Variants in LRRC8C observed in about 807,000 individuals in gnomAD.
LRRC8C encodes the protein volume-regulated anion channel subunit LRRC8C.
LRRC8C carries 20 observed loss-of-function variants against 55.3 expected under a neutral mutation model. The ratio of observed to expected loss-of-function variants is 0.36; its 90% CI spans 0.25 to 0.53. The LOEUF (loss-of-function observed/expected upper bound fraction) is 0.53, where lower values mean the gene tolerates loss of function less well. LRRC8C is among the 20% of genes least tolerant of loss of function. The pLI is 0.92. For synonymous variants in LRRC8C, 376 were observed against 360.7 expected, an observed-to-expected ratio of 1.04 and a Z score of -0.48; for missense variants, 659 against 951.4, an observed-to-expected ratio of 0.69 and a Z score of 4.04.
chr1:89,635,066 T>A (rs1656240055), intron 1 of LRRC8C, among the ~76,000 whole-genome samples: 1 of 152,244 alleles, frequency 6.6e-6, no homozygotes, highest in South Asian at 2.1e-4. Context: ...TTAAGCACTT[T>A]AATGAAATGT....
At chr1:89,702,937 C>G (rs549384648) in intron 2 of LRRC8C, among the ~76,000 whole-genome samples, 1 of 152,130 alleles carries the variant, frequency 6.6e-6, no homozygotes, top group Admixed American at 6.5e-5. Flanking sequence ...TACCCAGAGC[C>G]CAGCACAGAG....
chr1:89,650,955 T>G (rs1308050840), intron 1 of LRRC8C, among the ~76,000 whole-genome samples: 1 of 151,898 alleles, frequency 6.6e-6, no homozygotes, highest in Non-Finnish European at 1.5e-5. Flanking sequence ...AGAATGGGAG[T>G]CCCTTCAGAT....
chr1:89,695,213 C>T (rs1269238820), intron 2 of LRRC8C, among the ~76,000 whole-genome samples: 9 of 152,196 alleles, frequency 5.9e-5, no homozygotes, highest in Admixed American at 4.6e-4. Context: ...TGAACCACCG[C>T]GCCCGGCCCT....
intron 1 of LRRC8C, among the ~76,000 whole-genome samples, chr1:89,664,238 T>C (rs1657196890): frequency 6.6e-6 from 1 of 152,228 alleles, no homozygotes; most frequent in Admixed American, 6.5e-5. Context: ...CTGAATGGTA[T>C]TGTCTAGATT....
chr1:89,671,999 C>T (rs755374557), intron 1 of LRRC8C, among the ~76,000 whole-genome samples: 1 of 152,144 alleles, frequency 6.6e-6, no homozygotes, highest in Non-Finnish European at 1.5e-5. Flanking sequence ...CTACCCCTAT[C>T]CTTATGTCTC....
At chr1:89,644,783 A>G (rs1259428892) in intron 1 of LRRC8C, among the ~76,000 whole-genome samples, 1 of 152,244 alleles carries the variant, frequency 6.6e-6, no homozygotes, top group Non-Finnish European at 1.5e-5. Flanking sequence ...TGCTCATGAG[A>G]GGAGTTAGGC....
intron 1 of LRRC8C, among the ~76,000 whole-genome samples, chr1:89,641,973 T>A (rs751921270): frequency 1.3e-5 from 2 of 152,226 alleles, no homozygotes; most frequent in African/African-American, 4.8e-5. Context: ...CCATATGATA[T>A]TGCACAACCA....
chr1:89,627,568 GA>G, the LRRC8C span, among the ~76,000 whole-genome samples: 1 of 152,048 alleles, frequency 6.6e-6, no homozygotes, highest in African/African-American at 2.4e-5. Flanking sequence ...TTGAAATACT[GA>G]AAAAGTACAT....
At position 89,713,691 on chromosome 1, in the gene LRRC8C, T is replaced by G. The variant is rs1311910386; in HGVS notation, c.1121T>G (p.Leu374Arg). 1 of 1,614,102 alleles carries G rather than the reference T, an allele frequency of 6.2e-7. No individual in the cohort carries two copies. The highest frequency in any genetic ancestry group is 8.5e-7 in the Non-Finnish European group (1 of 1,180,050). Reference sequence around the variant, plus strand: ...GTGAAAAATGACTTTGCTTTTATGCTTCATATGATAGATCAGTATGACCCT... The same window carrying G: ...GTGAAAAATGACTTTGCTTTTATGCGTCATATGATAGATCAGTATGACCCT... Reference protein sequence around the residue: ...PDVKNDFAFMLHMIDQYDPLY... With the variant: ...PDVKNDFAFMRHMIDQYDPLY... The change falls in exon 3 of 3, where the codon CTT (leucine) becomes CGT (arginine). Residue 374 changes from leucine (L) to arginine (R), a missense_variant. By Grantham distance (102) the Leu-to-Arg change is moderately radical. This residue lies in a region of LRRC8C where 200 missense variants were observed against 360.5 expected (regional missense o/e 0.55). Transcript: ENST00000370454. The surrounding 1 kb of genome is among the most constrained non-coding windows in gnomAD (Gnocchi z 5.2).
intron 1 of LRRC8C, among the ~76,000 whole-genome samples, chr1:89,673,984 G>C (rs186638220): frequency 6.6e-6 from 1 of 152,106 alleles, no homozygotes; most frequent in Admixed American, 6.5e-5. Context: ...TTGAAAGAAC[G>C]TTCCAGTTGT....
intron 1 of LRRC8C, among the ~76,000 whole-genome samples, chr1:89,677,056 A>G (rs945234748): frequency 3.3e-5 from 5 of 151,970 alleles, no homozygotes; most frequent in Non-Finnish European, 1.5e-5. Context: ...AAAAGCCTTG[A>G]AATGTACAGC....
intron 1 of LRRC8C, among the ~76,000 whole-genome samples, chr1:89,649,204 TAAC>T (rs1656694054): frequency 6.6e-6 from 1 of 152,230 alleles, no homozygotes. Context: ...CTAAGGCATT[TAAC>T]TGTCTTTTTA....
chr1:89,618,748 A>T, the LRRC8C span, among the ~76,000 whole-genome samples: 1 of 152,214 alleles, frequency 6.6e-6, no homozygotes, highest in Non-Finnish European at 1.5e-5. Context: ...AGTTAAAAGT[A>T]CTTTCTAAAG....
chr1:89,623,813 A>G, the LRRC8C span, among the ~76,000 whole-genome samples: 1 of 152,242 alleles, frequency 6.6e-6, no homozygotes, highest in African/African-American at 2.4e-5. Context: ...GAGGGAGGGT[A>G]GATAAGTATA....
rs1658854063 is a variant in LRRC8C at position 89,717,237 on chromosome 1, CA to C, written c.*2259del. 6.6e-6 allele frequency: 1 copy of C among 152,082 alleles called. No individual in the cohort carries two copies. Among genetic ancestry groups the C allele is most frequent in the Non-Finnish European group, 1.5e-5 (1 of 68,000 alleles). The allele number at this position is 152,082 out of a possible 1,614,324, so 9.4% of individuals were successfully genotyped here. A position where few individuals can be genotyped will look rare whatever the true frequency, so the allele number is the denominator to read the frequency against. On this transcript the variant is annotated 3_prime_UTR_variant, in exon 3 of 3. Coordinates refer to ENST00000370454, the MANE Select transcript of LRRC8C (RefSeq NM_032270.5). ...AAAGGCAAGCTTAGGTAACTGCTGGCAAAACACTGGGTGCACTATTTTTCTG... is the reference window on the plus strand; with the variant it reads ...AAAGGCAAGCTTAGGTAACTGCTGGCAAACACTGGGTGCACTATTTTTCTG...
chr1:89,615,843 C>T, the LRRC8C span, among the ~76,000 whole-genome samples: 1 of 152,160 alleles, frequency 6.6e-6, no homozygotes, highest in Non-Finnish European at 1.5e-5. Flanking sequence ...TCCAGGTTCC[C>T]ATACAAATTA....
At chr1:89,659,169 C>T (rs1252382896) in intron 1 of LRRC8C, among the ~76,000 whole-genome samples, 1 of 150,300 alleles carries the variant, frequency 6.7e-6, no homozygotes, top group Non-Finnish European at 1.5e-5. Flanking sequence ...TCAAGCAGTC[C>T]TCCTGCTTTA....
rs995694721 is a variant in LRRC8C, at chr1:89,715,027, A to G, written c.*45A>G. ...TGACTGAAACACGCTTCTACCAAAT[A>G]CAGTATAAATAATTAGGTAGTCTTA... On this transcript the variant is annotated 3_prime_UTR_variant, in exon 3 of 3. Transcript: ENST00000370454. 3.0e-5 allele frequency: 42 copies of G among 1,392,890 alleles called. No homozygotes were observed. The highest frequency in any genetic ancestry group is 4.3e-5 in the African/African-American group (3 of 69,228). The allele number at this position is 1,392,890 out of a possible 1,614,324, so 86.3% of individuals were successfully genotyped here. A position where few individuals can be genotyped will look rare whatever the true frequency, so the allele number is the denominator to read the frequency against.
At chr1:89,616,869 A>G in the LRRC8C span, among the ~76,000 whole-genome samples, 1 of 152,220 alleles carries the variant, frequency 6.6e-6, no homozygotes, top group African/African-American at 2.4e-5. Context: ...CCTACTCCTC[A>G]GGGAGGTTAT....
Sources: gnomAD v4.1 joint callset for allele counts (sites outside exome capture counted in the v4.1 genomes callset) on GRCh38, gnomAD v4.1.1 for gene constraint, gnomAD v4.1.1 regional missense constraint, Gnocchi (gnomAD v3.1) non-coding constraint, MANE v1.5 for transcripts, NCBI Gene and HGNC (gene_info 2026-07-23, HGNC 2026-07-21) for gene names.